ZMYND8: variants seen among roughly 807,000 people sequenced by gnomAD.
The protein encoded by ZMYND8 is MYND-type zinc finger-containing chromatin reader ZMYND8.
Under a neutral mutation model 140.8 loss-of-function variants are expected in ZMYND8, and 37 were observed. The ratio of observed to expected loss-of-function variants is 0.26; its 90% CI spans 0.20 to 0.35. ZMYND8 has a LOEUF of 0.35. Ranked by LOEUF, ZMYND8 falls within the 10% of genes least tolerant of loss-of-function variation. The probability of loss-of-function intolerance (pLI) is 1.00; values close to 1 mark genes in which losing one functional copy is unlikely to be tolerated. For missense variants in ZMYND8, 1,068 were observed against 1,570.0 expected (o/e 0.68, Z 5.40); for synonymous variants, 592 against 597.1 (o/e 0.99, Z 0.12).
chr20:47,291,213 G>A (rs1476560226), intron 6 of ZMYND8, among the ~76,000 whole-genome samples: 5 of 152,148 alleles, frequency 3.3e-5, no homozygotes, highest in African/African-American at 1.2e-4. Flanking sequence ...TTTCTTCCTC[G>A]TGGATGCATT....
chr20:47,252,670 C>T (rs975563262), intron 12 of ZMYND8, among the ~76,000 whole-genome samples: 2 of 152,132 alleles, frequency 1.3e-5, no homozygotes, highest in African/African-American at 2.4e-5. Flanking sequence ...ACTTGTAATC[C>T]CTGCAATTGG....
At chr20:47,227,138 C>T (rs1167642978) in intron 18 of ZMYND8, 65 bp downstream of exon 18, 1 of 1,534,590 alleles carries the variant, frequency 6.5e-7, no homozygotes, top group Admixed American at 1.7e-5. Context: ...CGGCTTGACT[C>T]CAGAGGTGCA....
rs1256479154 is a variant in ZMYND8, at chr20:47,236,443, C to T, written c.2739G>A (p.Ser913=). ...TITLVTSTQS[S]PLVTSSGSMS... is the part of the protein sequence containing the mutation. ...TGGACCCCGAGCTGGTGACCAGGGG[C>T]GATGACTGTGTGCTGGTCACCAGGG... Residue 913 remains serine (S), a synonymous_variant, in exon 16 of 23, where the codon TCG becomes TCA. Coordinates refer to ENST00000471951, the MANE Select transcript of ZMYND8 (RefSeq NM_001281775.3). 3.7e-6 allele frequency: 6 copies of T among 1,613,570 alleles called. No homozygotes were observed. Among genetic ancestry groups the T allele is most frequent in the East Asian group, 2.2e-5 (1 of 44,874 alleles).
intron 2 of ZMYND8, among the ~76,000 whole-genome samples, chr20:47,345,565 A>G (rs191967025): frequency 8.7e-4 from 131 of 150,894 alleles, no homozygotes; most frequent in African/African-American, 2.9e-3. Flanking sequence ...CGGAGTGCAA[A>G]GGCGTGGTCT....
intron 9 of ZMYND8, among the ~76,000 whole-genome samples, chr20:47,282,523 G>A (rs1034924153): frequency 2.0e-5 from 3 of 152,048 alleles, no homozygotes; most frequent in Non-Finnish European, 2.9e-5. Context: ...TCAGGAGTTC[G>A]AGACCAGCCT....
chr20:47,296,512 T>C, intron 4 of ZMYND8, among the ~76,000 whole-genome samples: 1 of 152,176 alleles, frequency 6.6e-6, no homozygotes, highest in East Asian at 1.9e-4. Context: ...AGTCAACTTA[T>C]GGCCATGGAG....
At chr20:47,215,409 G>C (rs962183842) in intron 21 of ZMYND8, among the ~76,000 whole-genome samples, 1 of 152,034 alleles carries the variant, frequency 6.6e-6, no homozygotes, top group Non-Finnish European at 1.5e-5. Context: ...GTCCATGACT[G>C]TTAATGGCTT....
rs2079387038 is a variant in ZMYND8, at chr20:47,316,255, C to CAGG, written c.86-6054_86-6052dup. 2.0e-5 allele frequency among the ~76,000 whole-genome samples: 3 copies of CAGG among 149,830 alleles called. No homozygotes were observed. In the South Asian group the frequency reaches 6.4e-4, roughly 32 times the overall value. On this transcript the variant is annotated intron_variant, in intron 2 of 22. Transcript: ENST00000471951. ...CTGAGGCAGGAAAATTGCTTGAACCCAGGAGGCGGAGGTTGCAGTAAGCCG... is the reference window on the plus strand; with the variant it reads ...CTGAGGCAGGAAAATTGCTTGAACCCAGGAGGAGGCGGAGGTTGCAGTAAGCCG...
intron 2 of ZMYND8, among the ~76,000 whole-genome samples, chr20:47,338,356 C>T (rs1014256564): frequency 2.0e-5 from 3 of 151,952 alleles, no homozygotes; most frequent in East Asian, 1.9e-4. Flanking sequence ...TGCTCAGAAC[C>T]GAAGGACCCT....
rs772782695 is a variant in ZMYND8 at position 47,318,868 on chromosome 20, G to A, written c.86-8664C>T. The stretch of plus-strand genomic sequence containing the variant: ...AATGAAAGGTCACTCTCAACTTGGG[G>A]AAAATGGCATTTCACCAGGAACATC... On this transcript the variant is annotated intron_variant, in intron 2 of 22. Transcript: ENST00000471951. 5 of 1,108,508 alleles carry A rather than the reference G, an allele frequency of 4.5e-6. No individual in the cohort carries two copies. The East Asian group carries it at 2.2e-4, about 49-fold the overall frequency. The allele number at this position is 1,108,508 out of a possible 1,614,324, so 68.7% of individuals were successfully genotyped here.
chr20:47,280,962 C>G (rs1285324956), intron 10 of ZMYND8, among the ~76,000 whole-genome samples: 1 of 152,186 alleles, frequency 6.6e-6, no homozygotes, highest in Non-Finnish European at 1.5e-5. Context: ...CCACTACCTC[C>G]TGACCTGAGA....
intron 12 of ZMYND8, among the ~76,000 whole-genome samples, chr20:47,254,281 T>C (rs2074415232): frequency 6.6e-6 from 1 of 152,134 alleles, no homozygotes; most frequent in Non-Finnish European, 1.5e-5. Context: ...GGAGCATAAA[T>C]CAGAACCACC....
At chr20:47,289,309 A>G (rs879802093) in intron 7 of ZMYND8, among the ~76,000 whole-genome samples, 1 of 152,164 alleles carries the variant, frequency 6.6e-6, no homozygotes, top group Non-Finnish European at 1.5e-5. Flanking sequence ...GACAATATCA[A>G]CCCTTATAGT....
intron 3 of ZMYND8, among the ~76,000 whole-genome samples, chr20:47,305,548 G>A (rs1432318699): frequency 4.9e-5 from 7 of 143,672 alleles, no homozygotes; most frequent in African/African-American, 2.0e-4. Flanking sequence ...GGCCTGCAAA[G>A]CCTTGTTTCT....
intron 17 of ZMYND8, among the ~76,000 whole-genome samples, chr20:47,228,461 A>G (rs3092526): frequency 0.18 from 26,917 of 152,116 alleles, 2,736 homozygotes; most frequent in African/African-American, 0.27. Context: ...TCCAGACCCC[A>G]GGTTTCAGGT....
intron 2 of ZMYND8, among the ~76,000 whole-genome samples, chr20:47,334,103 ACT>A (rs1013216996): frequency 1.3e-5 from 2 of 152,118 alleles, no homozygotes; most frequent in Non-Finnish European, 2.9e-5. Flanking sequence ...AATAGTGTTG[ACT>A]CTCTCATGTA....
At chr20:47,253,269 G>T (rs1280687318) in intron 12 of ZMYND8, among the ~76,000 whole-genome samples, 2 of 152,176 alleles carry the variant, frequency 1.3e-5, no homozygotes, top group African/African-American at 4.8e-5. Flanking sequence ...GAGCGCAGTG[G>T]CTCATGCCTG....
intron 12 of ZMYND8, among the ~76,000 whole-genome samples, chr20:47,250,174 G>A (rs977893053): frequency 6.6e-6 from 1 of 152,146 alleles, no homozygotes; most frequent in Non-Finnish European, 1.5e-5. Context: ...CAGGCCGGAG[G>A]TCCTGTCCCC....
intron 5 of ZMYND8, 151 bp downstream of exon 5, chr20:47,294,515 T>C (rs1349959322): frequency 1.5e-6 from 1 of 678,794 alleles, no homozygotes; most frequent in Non-Finnish European, 2.6e-6. Context: ...AATGGCATCA[T>C]ACCTCATGTG....
Sources: allele counts gnomAD v4.1 joint callset (sites outside exome capture counted in the v4.1 genomes callset), GRCh38; gene constraint gnomAD v4.1.1; transcripts MANE v1.5; gene names NCBI Gene and HGNC (gene_info 2026-07-23, HGNC 2026-07-21).